SHISA9: variants seen among roughly 807,000 people sequenced by gnomAD.
SHISA9 encodes the protein shisa family member 9, also known as protein shisa-9.
SHISA9 carries 13 observed loss-of-function variants against 38.0 expected under a neutral mutation model. The ratio of observed to expected loss-of-function variants is 0.34; its 90% CI spans 0.22 to 0.54. The LOEUF (loss-of-function observed/expected upper bound fraction) is 0.54. Ranked by LOEUF, SHISA9 falls within the 20% of genes least tolerant of loss-of-function variation. The pLI is 0.91. For synonymous variants in SHISA9, 275 were observed against 242.0 expected (o/e 1.14, Z -1.27); for missense variants, 538 against 575.8 (o/e 0.93, Z 0.67).
intron 2 of SHISA9, among the ~76,000 whole-genome samples, chr16:13,093,585 C>G (rs1024163102): frequency 5.3e-5 from 8 of 152,036 alleles, no homozygotes; most frequent in African/African-American, 1.9e-4. Context: ...TATAAATCAG[C>G]AAAATCCCAG....
At chr16:13,219,966 A>T (rs1023422123) in intron 4 of SHISA9, among the ~76,000 whole-genome samples, 2 of 152,148 alleles carry the variant, frequency 1.3e-5, no homozygotes, top group Non-Finnish European at 2.9e-5. Flanking sequence ...TCAGAAAAAG[A>T]AAAAAAGAAT....
At chr16:13,021,107 G>T (rs985873716) in intron 2 of SHISA9, among the ~76,000 whole-genome samples, 1 of 152,152 alleles carries the variant, frequency 6.6e-6, no homozygotes, top group South Asian at 2.1e-4. Flanking sequence ...TAGCTATATG[G>T]TCCTGCTGTC....
chr16:13,338,151 A>G, the SHISA9 span, among the ~76,000 whole-genome samples: 3 of 152,110 alleles, frequency 2.0e-5, no homozygotes, highest in Admixed American at 2.0e-4. Context: ...AGCTTACCCA[A>G]CGTGTCACCA....
intron 2 of SHISA9, among the ~76,000 whole-genome samples, chr16:12,927,834 GA>G (rs1019285516): frequency 4.6e-5 from 7 of 152,114 alleles, no homozygotes; most frequent in Non-Finnish European, 1.0e-4. Context: ...CACCCAGCCA[GA>G]AAAGTCTATC....
the SHISA9 span, among the ~76,000 whole-genome samples, chr16:13,417,380 GA>G: frequency 7.1e-4 from 104 of 147,050 alleles, no homozygotes; most frequent in East Asian, 1.6e-3. Context: ...TTTTGAGTTG[GA>G]AAAAAAAAAA....
intron 2 of SHISA9, among the ~76,000 whole-genome samples, chr16:13,141,157 C>T (rs1218016022): frequency 1.3e-5 from 2 of 152,070 alleles, no homozygotes; most frequent in Non-Finnish European, 2.9e-5. Context: ...ATATGGAATC[C>T]TACCATCTAA....
chr16:13,177,438 A>G (rs1471369456), intron 2 of SHISA9, among the ~76,000 whole-genome samples: 10 of 152,122 alleles, frequency 6.6e-5, no homozygotes, highest in Non-Finnish European at 1.3e-4. Flanking sequence ...TTGCCACTGT[A>G]TACAAAAATG....
At chr16:13,435,328 G>A in the SHISA9 span, among the ~76,000 whole-genome samples, 15 of 152,062 alleles carry the variant, frequency 9.9e-5, no homozygotes, top group Non-Finnish European at 1.8e-4. Context: ...TCCCCACAAG[G>A]AATCTGAAAT....
At chr16:13,205,383 C>G (rs1357361552) in intron 3 of SHISA9, among the ~76,000 whole-genome samples, 1 of 152,184 alleles carries the variant, frequency 6.6e-6, no homozygotes, top group African/African-American at 2.4e-5. Context: ...CCTGTGAGCT[C>G]TAAGTTTTTC....
chr16:13,379,845 C>T, the SHISA9 span, among the ~76,000 whole-genome samples: 13 of 151,942 alleles, frequency 8.6e-5, no homozygotes, highest in East Asian at 5.8e-4. Context: ...CTTAAAATAC[C>T]GCCTTAATTA....
chr16:13,294,876 G>A, the SHISA9 span, among the ~76,000 whole-genome samples: 8 of 152,168 alleles, frequency 5.3e-5, no homozygotes, highest in Non-Finnish European at 8.8e-5. Flanking sequence ...ATGAAAGCAC[G>A]TCCAGAGTTA....
At chr16:13,079,032 G>T (rs964657573) in intron 2 of SHISA9, among the ~76,000 whole-genome samples, 1 of 152,230 alleles carries the variant, frequency 6.6e-6, no homozygotes, top group Admixed American at 6.5e-5. Flanking sequence ...CCCTGTGTGA[G>T]TTATTTAATC....
At chr16:13,194,993 A>G (rs1297872418) in intron 2 of SHISA9, among the ~76,000 whole-genome samples, 2 of 152,254 alleles carry the variant, frequency 1.3e-5, no homozygotes, top group Admixed American at 6.5e-5. Context: ...GGATGACTTC[A>G]TGCTTAGGTC....
At chr16:13,333,184 G>A in the SHISA9 span, among the ~76,000 whole-genome samples, 2 of 152,084 alleles carry the variant, frequency 1.3e-5, no homozygotes, top group Non-Finnish European at 2.9e-5. Context: ...ATCCATACAA[G>A]GGTCAAACAC....
chr16:13,462,637 C>T, the SHISA9 span, among the ~76,000 whole-genome samples: 11,674 of 152,010 alleles, frequency 0.077, 588 homozygotes, highest in South Asian at 0.18. Flanking sequence ...CCAGCCTGGC[C>T]AACATGGTAA....
At chr16:13,471,987 A>G in the SHISA9 span, among the ~76,000 whole-genome samples, 1 of 152,200 alleles carries the variant, frequency 6.6e-6, no homozygotes, top group African/African-American at 2.4e-5. Flanking sequence ...CAAGCTCTAC[A>G]TGGAAGTGTC....
At chr16:13,399,504 C>T in the SHISA9 span, among the ~76,000 whole-genome samples, 1 of 152,148 alleles carries the variant, frequency 6.6e-6, no homozygotes, top group East Asian at 1.9e-4. Flanking sequence ...TGTGAGTCCC[C>T]AGGGATGCTT....
chr16:12,945,727 G>T (rs1285830395), intron 2 of SHISA9, among the ~76,000 whole-genome samples: 2 of 152,230 alleles, frequency 1.3e-5, no homozygotes, highest in Non-Finnish European at 2.9e-5. Context: ...ACTTAAATGA[G>T]ATGATATATG....
intron 2 of SHISA9, among the ~76,000 whole-genome samples, chr16:12,970,356 T>C (rs1443902959): frequency 1.8e-5 from 1 of 55,532 alleles, no homozygotes; most frequent in Non-Finnish European, 3.9e-5. Context: ...TATATGTGTA[T>C]ATATATATAT....
Sources: gnomAD v4.1 joint callset for allele counts (sites outside exome capture counted in the v4.1 genomes callset) on GRCh38, gnomAD v4.1.1 for gene constraint, MANE v1.5 for transcripts, NCBI Gene and HGNC (gene_info 2026-07-23, HGNC 2026-07-21) for gene names.